The following ZNF536 variants were observed in gnomAD, a reference collection of about 807,000 sequenced individuals.
ZNF536 encodes the protein zinc finger protein 536.
A neutral mutation model predicts 84.5 loss-of-function variants in ZNF536; 13 were observed. The observed-to-expected ratio is 0.15, with a 90% CI of 0.10 to 0.24. The LOEUF is 0.24. ZNF536 is among the 10% of genes least tolerant of loss of function. ZNF536 has a pLI of 1.00. For missense variants in ZNF536, 1,536 were observed against 1,747.5 expected (o/e 0.88, Z 2.16); for synonymous variants, 811 against 742.5 (o/e 1.09, Z -1.50).
chr19:30,249,271 T>C (rs577259156), intron 1 of ZNF536, among the ~76,000 whole-genome samples: 223 of 151,408 alleles, frequency 1.5e-3, no homozygotes, highest in African/African-American at 5.1e-3. Context: ...GGCTGCAATA[T>C]AGTTACTATT....
At chr19:30,691,963 C>A (rs887543502) in intron 1 of ZNF536, among the ~76,000 whole-genome samples, 6 of 152,212 alleles carry the variant, frequency 3.9e-5, no homozygotes, top group Non-Finnish European at 7.3e-5. Context: ...CCCGGGCCTC[C>A]ACCTCCCCTC....
chr19:30,704,168 G>A (rs2052119400), intron 1 of ZNF536, among the ~76,000 whole-genome samples: 1 of 152,130 alleles, frequency 6.6e-6, no homozygotes, highest in Non-Finnish European at 1.5e-5. Context: ...GGCAGGAGTG[G>A]GTGTTATTCT....
chr19:30,639,935 C>G (rs1437490225), intron 1 of ZNF536, among the ~76,000 whole-genome samples: 1 of 152,158 alleles, frequency 6.6e-6, no homozygotes, highest in Non-Finnish European at 1.5e-5. Flanking sequence ...TCTATTACAC[C>G]TTGAAATTAT....
rs2022782635 is a variant in ZNF536 at position 30,228,785 on chromosome 19, G to C, written c.-190+112G>C. 6.6e-6 allele frequency: 1 copy of C among 151,064 alleles called. No individual in the cohort carries two copies. The highest frequency in any genetic ancestry group is 6.6e-5 in the Admixed American group (1 of 15,160). 9.4% of individuals were successfully genotyped at this position (151,064 alleles called of 1,614,324 possible). The stretch of plus-strand genomic sequence containing the variant: ...GCCGGCCTCGCGTGTGGGCGGCTGG[G>C]CGGCTGGGCGGCGGGAGGACGGCCT... On this transcript the variant is annotated intron_variant, in intron 1 of 5. Transcript: ENST00000585628. This position sits in a 1 kb window ranked among gnomAD's most constrained non-coding sequence, Gnocchi z 4.5.
At chr19:30,569,529 T>C (rs1302303757) in intron 1 of ZNF536, among the ~76,000 whole-genome samples, 1 of 148,440 alleles carries the variant, frequency 6.7e-6, no homozygotes, top group Non-Finnish European at 1.5e-5. Context: ...CTCAGGGAGC[T>C]TGAGATGGAA....
At chr19:30,433,601 G>A (rs1192786134) in intron 1 of ZNF536, among the ~76,000 whole-genome samples, 9 of 152,160 alleles carry the variant, frequency 5.9e-5, no homozygotes, top group East Asian at 1.9e-4. Flanking sequence ...AGGTTCAAGC[G>A]ATTCTCCTGC....
intron 3 of ZNF536, among the ~76,000 whole-genome samples, chr19:30,536,807 G>C (rs2045101134): frequency 6.6e-6 from 1 of 152,240 alleles, no homozygotes; most frequent in Admixed American, 6.5e-5. Flanking sequence ...CTCTTCCCCG[G>C]GAGTTCAGGG....
At chr19:30,349,429 T>C (rs1405305904) in intron 2 of ZNF536, among the ~76,000 whole-genome samples, 1 of 152,154 alleles carries the variant, frequency 6.6e-6, no homozygotes, top group African/African-American at 2.4e-5. Flanking sequence ...TGGAGTTAAC[T>C]TCCAAGGTAC....
chr19:30,248,478 A>G (rs1203280502), intron 1 of ZNF536, among the ~76,000 whole-genome samples: 2 of 150,100 alleles, frequency 1.3e-5, no homozygotes, highest in Admixed American at 1.3e-4. Context: ...TTCTGGCCTC[A>G]AGTAATCTAC....
intron 1 of ZNF536, among the ~76,000 whole-genome samples, chr19:30,595,147 G>C (rs893410275): frequency 6.6e-6 from 1 of 152,212 alleles, no homozygotes; most frequent in Non-Finnish European, 1.5e-5. Context: ...CAGCTAGTCT[G>C]AATTCCAGGC....
chr19:30,680,155 A>G (rs1432055020), intron 1 of ZNF536, among the ~76,000 whole-genome samples: 1 of 152,196 alleles, frequency 6.6e-6, no homozygotes, highest in African/African-American at 2.4e-5. Context: ...CACCGGGGAC[A>G]AGAAATGGGG....
intron 1 of ZNF536, among the ~76,000 whole-genome samples, chr19:30,273,900 T>C (rs947720963): frequency 2.0e-5 from 3 of 152,252 alleles, no homozygotes; most frequent in Non-Finnish European, 4.4e-5. Flanking sequence ...TTAACACATA[T>C]GCATGCATAT....
chr19:30,497,488 CTTTTAT>C (rs2054771489), intron 2 of ZNF536, among the ~76,000 whole-genome samples: 1 of 152,130 alleles, frequency 6.6e-6, no homozygotes, highest in East Asian at 1.9e-4. Context: ...GTTTTCTTCC[CTTTTAT>C]TTTTATTTTA....
chr19:30,637,273 C>T (rs933956637), intron 1 of ZNF536, among the ~76,000 whole-genome samples: 3 of 152,200 alleles, frequency 2.0e-5, no homozygotes, highest in Non-Finnish European at 4.4e-5. Flanking sequence ...CAGTCTCTAG[C>T]CTTTCCACTT....
At chr19:30,515,804 T>C (rs2055614054) in intron 2 of ZNF536, among the ~76,000 whole-genome samples, 2 of 151,796 alleles carry the variant, frequency 1.3e-5, no homozygotes, top group African/African-American at 4.8e-5. Flanking sequence ...GGTGCACAGA[T>C]CACCCGAGGT....
At chr19:30,410,465 C>CTT (rs201561646) in intron 1 of ZNF536, among the ~76,000 whole-genome samples, 19,931 of 119,228 alleles carry the variant, frequency 0.17, 4,944 homozygotes, top group East Asian at 0.26. Flanking sequence ...AAGTGAAGGT[C>CTT]TTTTTTTTTT....
chr19:30,621,815 G>A (rs1011072269), intron 1 of ZNF536, among the ~76,000 whole-genome samples: 1 of 152,222 alleles, frequency 6.6e-6, no homozygotes, highest in African/African-American at 2.4e-5. Context: ...GAACCTCACA[G>A]CGTCATCTGA....
At chr19:30,397,140 G>T (rs1256635145) in intron 1 of ZNF536, among the ~76,000 whole-genome samples, 2 of 152,198 alleles carry the variant, frequency 1.3e-5, no homozygotes, top group African/African-American at 2.4e-5. Flanking sequence ...TTGAGACTCA[G>T]GTGATAGGAA....
intron 1 of ZNF536, among the ~76,000 whole-genome samples, chr19:30,605,726 T>C (rs930058038): frequency 1.3e-5 from 2 of 152,190 alleles, no homozygotes; most frequent in Non-Finnish European, 2.9e-5. Flanking sequence ...CTGGATCGAA[T>C]GGTGGATCTC....
Sources: gnomAD v4.1 joint callset for allele counts (sites outside exome capture counted in the v4.1 genomes callset) on GRCh38, gnomAD v4.1.1 for gene constraint, Gnocchi (gnomAD v3.1) non-coding constraint, MANE v1.5 for transcripts, NCBI Gene and HGNC (gene_info 2026-07-23, HGNC 2026-07-21) for gene names.